Variants in FRMPD4 observed in about 807,000 individuals in gnomAD.
FRMPD4 encodes the protein FERM and PDZ domain containing 4, also known as FERM and PDZ domain-containing protein 4.
A neutral mutation model predicts 94.1 loss-of-function variants in FRMPD4; 22 were observed. The ratio of observed to expected loss-of-function variants is 0.23; its 90% CI spans 0.17 to 0.33. The LOEUF (loss-of-function observed/expected upper bound fraction) is 0.33, where lower values mean the gene tolerates loss of function less well. Ranked by LOEUF, FRMPD4 falls within the 10% of genes least tolerant of loss-of-function variation. The probability of loss-of-function intolerance (pLI) is 1.00; values close to 1 mark genes in which losing one functional copy is unlikely to be tolerated. For missense variants in FRMPD4, 1,111 were observed against 1,339.9 expected (o/e 0.83, Z 2.67); for synonymous variants, 631 against 548.6 (o/e 1.15, Z -2.10).
chrX:11,983,938 G>A (rs2054411729), intron 3 of FRMPD4, among the ~76,000 whole-genome samples: 1 of 112,034 alleles, frequency 8.9e-6, no homozygotes, highest in African/African-American at 3.2e-5. Flanking sequence ...AGAACTGAGG[G>A]TCCTGGGAAT....
intron 3 of FRMPD4, among the ~76,000 whole-genome samples, chrX:11,907,119 G>T: frequency 9.1e-6 from 1 of 109,894 alleles, no homozygotes; most frequent in African/African-American, 3.3e-5. Flanking sequence ...AATAATTAAT[G>T]TTTATATTGT....
intron 3 of FRMPD4, among the ~76,000 whole-genome samples, chrX:12,016,284 GCTAT>G (rs1909798785): frequency 8.9e-6 from 1 of 111,888 alleles, no homozygotes; most frequent in South Asian, 3.8e-4. Context: ...AGGTCTGTGG[GCTAT>G]CTAATGCTCC....
chrX:12,613,262 C>G (rs1197797595), intron 3 of FRMPD4, among the ~76,000 whole-genome samples: 1 of 111,693 alleles, frequency 9.0e-6, no homozygotes, highest in African/African-American at 3.3e-5. Context: ...ATGCTTCACT[C>G]AGATGTGGTT....
At chrX:12,050,444 CTA>C (rs2054810761) in intron 3 of FRMPD4, among the ~76,000 whole-genome samples, 1 of 111,264 alleles carries the variant, frequency 9.0e-6, no homozygotes, top group Admixed American at 9.6e-5. Context: ...GTGAATTAGG[CTA>C]TAGCATGTAG....
At chrX:11,908,152 T>A (rs1354337552) in intron 3 of FRMPD4, among the ~76,000 whole-genome samples, 2 of 112,234 alleles carry the variant, frequency 1.8e-5, no homozygotes, top group Non-Finnish European at 3.8e-5. Context: ...TTCTACTTTC[T>A]GCTGACTGCT....
intron 1 of FRMPD4, among the ~76,000 whole-genome samples, chrX:12,210,832 G>A (rs997213490): frequency 1.8e-5 from 2 of 111,663 alleles, no homozygotes; most frequent in African/African-American, 6.5e-5. Context: ...CAAATTTAAA[G>A]AGGCAACATT....
intron 9 of FRMPD4, among the ~76,000 whole-genome samples, chrX:12,695,791 C>T (rs942373698): frequency 1.8e-5 from 2 of 110,365 alleles, no homozygotes; most frequent in African/African-American, 6.6e-5. Context: ...GACGGAGTTT[C>T]GCTCTTGTTG....
At chrX:12,289,048 G>A (rs1177819886) in intron 1 of FRMPD4, among the ~76,000 whole-genome samples, 3 of 111,524 alleles carry the variant, frequency 2.7e-5, no homozygotes, top group South Asian at 7.6e-4. Flanking sequence ...CTCAGTGGGT[G>A]AGTCAGTGGT....
At chrX:11,849,436 G>A (rs1189938827) in intron 1 of FRMPD4, among the ~76,000 whole-genome samples, 1 of 111,132 alleles carries the variant, frequency 9.0e-6, no homozygotes, top group Non-Finnish European at 1.9e-5. Context: ...AATTCATGTA[G>A]AACCTCAAGG....
At chrX:12,245,462 G>A (rs138021830) in intron 1 of FRMPD4, among the ~76,000 whole-genome samples, 268 of 106,485 alleles carry the variant, frequency 2.5e-3, no homozygotes, top group Non-Finnish European at 4.5e-3. Context: ...GATAATTGAC[G>A]TCACCCACTT....
At chrX:12,340,763 C>T (rs1601836958) in intron 1 of FRMPD4, among the ~76,000 whole-genome samples, 1 of 111,841 alleles carries the variant, frequency 8.9e-6, no homozygotes, top group East Asian at 2.8e-4. Flanking sequence ...TCAATGCGCT[C>T]CAAACTTTCC....
At chrX:11,830,825 G>A (rs769418548) in intron 1 of FRMPD4, among the ~76,000 whole-genome samples, 12 of 110,835 alleles carry the variant, frequency 1.1e-4, no homozygotes, top group East Asian at 2.8e-4. Context: ...GTAATTTGTC[G>A]TTTGAAATTA....
chrX:12,162,536 A>G (rs1663827654), intron 1 of FRMPD4, among the ~76,000 whole-genome samples: 3 of 112,103 alleles, frequency 2.7e-5, no homozygotes, highest in Admixed American at 1.9e-4. Flanking sequence ...GCATTTTTTT[A>G]TTGGTAACTT....
chrX:12,118,233 A>T (rs1401607219), intron 3 of FRMPD4, among the ~76,000 whole-genome samples: 1 of 111,437 alleles, frequency 9.0e-6, no homozygotes, highest in Non-Finnish European at 1.9e-5. Flanking sequence ...TGCCTTGTCT[A>T]CTTACTAGTA....
At chrX:12,513,684 T>A (rs1569308543) in intron 2 of FRMPD4, among the ~76,000 whole-genome samples, 1 of 112,394 alleles carries the variant, frequency 8.9e-6, no homozygotes, top group Non-Finnish European at 1.9e-5. Flanking sequence ...TGCTTAGGAT[T>A]GTCTTGGCTA....
At chrX:12,454,552 G>T (rs1455401138) in intron 1 of FRMPD4, among the ~76,000 whole-genome samples, 1 of 109,207 alleles carries the variant, frequency 9.2e-6, no homozygotes, top group Admixed American at 9.8e-5. Flanking sequence ...TTTTGCAAAG[G>T]AAAATGATGT....
chrX:12,440,536 T>C (rs780438950), intron 1 of FRMPD4, among the ~76,000 whole-genome samples: 2 of 111,638 alleles, frequency 1.8e-5, no homozygotes, highest in African/African-American at 6.5e-5. Flanking sequence ...GTGGGGAAGC[T>C]GGACTTTGAT....
chrX:11,951,015 C>T lies in FRMPD4; in HGVS notation c.95+72997C>T, dbSNP rs7473211. Reference sequence around the variant, plus strand: ...CGGAGGTTGCAGTGAGCCTAGATTGCGTCATTACACTCCAGCCTTGGCAAC... The same window carrying T: ...CGGAGGTTGCAGTGAGCCTAGATTGTGTCATTACACTCCAGCCTTGGCAAC... On this transcript the variant is annotated intron_variant, in intron 3 of 18. Transcript: ENST00000640291. 4.6e-3 allele frequency among the ~76,000 whole-genome samples: 430 copies of T among 92,622 alleles called. 3 individuals are homozygous for T. The highest frequency in any genetic ancestry group is 0.017 in the African/African-American group (409 of 24,422). 80.4% of individuals were successfully genotyped at this position (92,622 alleles called of 115,157 possible). A position where few individuals can be genotyped will look rare whatever the true frequency, so the allele number is the denominator to read the frequency against.
chrX:11,958,993 C>CA (rs201212437), intron 3 of FRMPD4, among the ~76,000 whole-genome samples: 1,338 of 110,533 alleles, frequency 0.012, 5 homozygotes, highest in South Asian at 0.018. Context: ...ATCATGATGC[C>CA]AAAAAAAACC....
Sources: allele counts gnomAD v4.1 joint callset (sites outside exome capture counted in the v4.1 genomes callset), GRCh38; gene constraint gnomAD v4.1.1; transcripts MANE v1.5; gene names NCBI Gene and HGNC (gene_info 2026-07-23, HGNC 2026-07-21).